The following CAPN15 variants were observed in gnomAD, a reference collection of about 807,000 sequenced individuals.
CAPN15 encodes the protein calpain-15.
In CAPN15, 53 loss-of-function variants were observed where a neutral mutation model predicts 97.9. The ratio of observed to expected loss-of-function variants is 0.54; its 90% CI spans 0.43 to 0.68. The LOEUF (loss-of-function observed/expected upper bound fraction) is 0.68, where lower values mean the gene tolerates loss of function less well. Ranked by LOEUF, CAPN15 falls within the 30% of genes least tolerant of loss-of-function variation. The pLI is 0.00. For missense variants in CAPN15, 1,592 were observed against 1,589.8 expected (o/e 1.00, Z -0.02); for synonymous variants, 922 against 722.5 (o/e 1.28, Z -4.43).
chr16:547,982 C>T lies in CAPN15; in HGVS notation c.1144C>T (p.Pro382Ser). 1.9e-6 allele frequency: 3 copies of T among 1,583,226 alleles called. No individual in the cohort carries two copies. Among genetic ancestry groups the T allele is most frequent in the Non-Finnish European group, 2.6e-6 (3 of 1,166,632 alleles). Residue 382 changes from proline (P) to serine (S), a missense_variant, in exon 4 of 14, where the codon CCC (proline) becomes TCC (serine). Physicochemically the swap from Pro to Ser is moderately conservative, Grantham distance 74. Around this residue, in one of 3 missense-constraint regions of CAPN15, gnomAD observed 883 missense variants for 776.6 expected, o/e 1.14. Coordinates refer to ENST00000219611, the MANE Select transcript of CAPN15 (RefSeq NM_005632.3). Reference sequence around the variant, plus strand: ...GCATGGCGAGCCCCCCACCCACTGCCCCGACTGTGGGGCCGACAAGCCCAG... The same window carrying T: ...GCATGGCGAGCCCCCCACCCACTGCTCCGACTGTGGGGCCGACAAGCCCAG... ...QEHGEPPTHCPDCGADKPSPC... is the reference protein window; with the variant it reads ...QEHGEPPTHCSDCGADKPSPC...
intron 4 of CAPN15, among the ~76,000 whole-genome samples, chr16:548,492 G>T (rs956165473): frequency 1.3e-5 from 2 of 152,240 alleles, no homozygotes; most frequent in African/African-American, 4.8e-5. Context: ...GTCCTTGCTG[G>T]TGACCGAGAT....
At position 527,857 on chromosome 16, in the gene CAPN15, C is replaced by A. The variant is rs1459478924; in HGVS notation, c.-362C>A. On this transcript the variant is annotated 5_prime_UTR_variant, in exon 1 of 14. Transcript: ENST00000219611. ...CCGGGGCCGGAGCCGGGTCGGGGCGCCCCGCGGCTGAGGAGCGGGAGGCCG... is the reference window on the plus strand; with the variant it reads ...CCGGGGCCGGAGCCGGGTCGGGGCGACCCGCGGCTGAGGAGCGGGAGGCCG... 1 of 146,860 alleles carries A rather than the reference C, an allele frequency of 6.8e-6. No individual in the cohort carries two copies. Among genetic ancestry groups the A allele is most frequent in the East Asian group, 2.0e-4 (1 of 5,100 alleles). The allele number at this position is 146,860 out of a possible 1,614,324, so 9.1% of individuals were successfully genotyped here.
chr16:548,367 A>G (rs576205735), intron 4 of CAPN15, 80 bp downstream of exon 4: 3 of 1,352,218 alleles, frequency 2.2e-6, no homozygotes, highest in South Asian at 3.2e-5. Context: ...GGCTCTGGCG[A>G]TGGGCTGGGG....
rs1567165077 is a variant in CAPN15, at chr16:554,623, GTT to G, written c.*1110_*1111del. ...AGGCTCCAATGGACCAAATAAAAGC[GTT>G]TTGTTTTGTAATCACGCCTCCTCCT... is the stretch of plus-strand genomic sequence containing the variant. On this transcript the variant is annotated 3_prime_UTR_variant, in exon 14 of 14. Transcript: ENST00000219611. The G allele has an allele frequency of 2.2e-6, 1 of 456,090 alleles. No individual in the cohort carries two copies. The highest frequency in any genetic ancestry group is 4.4e-6 in the Non-Finnish European group (1 of 226,734). The allele number at this position is 456,090 out of a possible 1,614,324, so 28.3% of individuals were successfully genotyped here. A position where few individuals can be genotyped will look rare whatever the true frequency, so the allele number is the denominator to read the frequency against.
intron 7 of CAPN15, 37 bp from the exon 8 acceptor site, chr16:551,265 G>C: frequency 9.1e-6 from 14 of 1,541,210 alleles, no homozygotes; most frequent in Non-Finnish European, 1.1e-5. Context: ...CCCTGTCGGT[G>C]AGGGTCCCGG....
Position 548,189 on chromosome 16 carries a change from C to G in CAPN15, c.1351C>G (p.Leu451Val). ...GGCCCAGCGGCGGGGGGCCGCGCCC[C>G]TGAGGCGCAGGGAGAGCATGCACGT... ...LVAQRRGAAP[L>V]RRRESMHVEQ... The change falls in exon 4 of 14, where the codon CTG (leucine) becomes GTG (valine). Residue 451 changes from leucine to valine, a missense_variant. Coordinates refer to ENST00000219611, the MANE Select transcript of CAPN15 (RefSeq NM_005632.3). The G allele has an allele frequency of 1.3e-6, 2 of 1,537,596 alleles. No homozygotes were observed. The highest frequency in any genetic ancestry group is 1.8e-6 in the Non-Finnish European group (2 of 1,142,552).
At chr16:540,180 C>T in intron 3 of CAPN15, 1 of 985,508 alleles carries the variant, frequency 1.0e-6, no homozygotes, top group South Asian at 4.7e-5. Flanking sequence ...CGGCCGCCGG[C>T]CGGGGGGCCA....
intron 3 of CAPN15, chr16:537,366 G>T (rs987894990): frequency 1.0e-6 from 1 of 985,520 alleles, no homozygotes; most frequent in Admixed American, 6.1e-5. Context: ...AAAGGCATCA[G>T]TGAGGAGCAG....
chr16:548,038 C>A lies in CAPN15; in HGVS notation c.1200C>A (p.Ser400=). The change falls in exon 4 of 14, where the codon TCC becomes TCA. Residue 400 remains serine, a synonymous_variant. Coordinates refer to ENST00000219611, the MANE Select transcript of CAPN15 (RefSeq NM_005632.3). The stretch of plus-strand genomic sequence containing the variant: ...GCGGCAGAAGCTGCGGACGGGTGTC[C>A]TCGGCCCAGAAGGCCGCCCGCGTCC... The part of the protein sequence containing the change: ...SPCGRSCGRV[S]SAQKAARVLP... 6.4e-7 allele frequency: 1 copy of A among 1,562,048 alleles called. No homozygotes were observed.
At position 553,572 on chromosome 16, in the gene CAPN15, C is replaced by A; in HGVS notation, c.*56C>A. The A allele has an allele frequency of 8.8e-7, 1 of 1,138,624 alleles. No homozygotes were observed. The highest frequency in any genetic ancestry group is 1.3e-6 in the Non-Finnish European group (1 of 791,516). The allele number at this position is 1,138,624 out of a possible 1,614,324, so 70.5% of individuals were successfully genotyped here. A position where few individuals can be genotyped will look rare whatever the true frequency, so the allele number is the denominator to read the frequency against. On this transcript the variant is annotated 3_prime_UTR_variant, in exon 14 of 14. Transcript: ENST00000219611. ...GACGGACCCCCCACCCCCACACGCA[C>A]TTTATGAGGGAGACCCCGACAGAGG...
At chr16:528,579 T>C (rs532303782) in intron 1 of CAPN15, among the ~76,000 whole-genome samples, 5 of 152,308 alleles carry the variant, frequency 3.3e-5, no homozygotes, top group African/African-American at 1.2e-4. Flanking sequence ...AGCTGGGAAG[T>C]TGCAAATCTG....
chr16:552,034 C>T lies in CAPN15; in HGVS notation c.2346-17C>T, dbSNP rs753516511. Reference sequence around the variant, plus strand: ...GGCCGTGGTAGGCTCAGGGCCCCGTCCTCCCGCCACCTGCAGGTACTTCGA... The same window carrying T: ...GGCCGTGGTAGGCTCAGGGCCCCGTTCTCCCGCCACCTGCAGGTACTTCGA... On this transcript the variant is annotated splice_polypyrimidine_tract_variant and intron_variant, in intron 9 of 13. Coordinates refer to ENST00000219611, the MANE Select transcript of CAPN15 (RefSeq NM_005632.3). This position sits in a 1 kb window ranked among gnomAD's most constrained non-coding sequence, Gnocchi z 6.4. 9 of 1,546,672 alleles carry T rather than the reference C, an allele frequency of 5.8e-6. No individual in the cohort carries two copies. Among genetic ancestry groups the T allele is most frequent in the African/African-American group, 1.4e-5 (1 of 72,938 alleles).
In CAPN15 at chr16:552,780, G is replaced by A. The variant is rs745516120; in HGVS notation, c.2904+9G>A. 7 of 1,525,202 alleles carry A rather than the reference G, an allele frequency of 4.6e-6. No individual in the cohort carries two copies. Among genetic ancestry groups the A allele is most frequent in the Non-Finnish European group, 6.2e-6 (7 of 1,132,708 alleles). 94.5% of individuals were successfully genotyped at this position (1,525,202 alleles called of 1,614,324 possible). A position where few individuals can be genotyped will look rare whatever the true frequency, so the allele number is the denominator to read the frequency against. On this transcript the variant is annotated intron_variant, in intron 12 of 13. Transcript: ENST00000219611. This position sits in a 1 kb window ranked among gnomAD's most constrained non-coding sequence, Gnocchi z 6.4. Reference sequence around the variant, plus strand: ...GCGGAGAGCGGCACGAGGTGGGTGGGGGTCCCGGGGGAGGGTGGCGTGGGG... The same window carrying A: ...GCGGAGAGCGGCACGAGGTGGGTGGAGGTCCCGGGGGAGGGTGGCGTGGGG...
At chr16:538,372 G>A (rs114175790) in intron 3 of CAPN15, 1 of 152,140 alleles carries the variant, frequency 6.6e-6, no homozygotes, top group Non-Finnish European at 1.5e-5. Context: ...CAGGCTTAGG[G>A]CTGGGCTCTG....
At position 549,830 on chromosome 16, in the gene CAPN15, G is replaced by C. The variant is rs1243585670; in HGVS notation, c.2058G>C (p.Lys686Asn). ...TCTGGGCCAAAATGCTGAGTTCTAA[G>C]GAGGCTGGGTAAGAGGAGGGGCACT... Reference protein sequence around the residue: ...DLIWAKMLSSKEAGFLMGASC... With the variant: ...DLIWAKMLSSNEAGFLMGASC... The change falls in exon 7 of 14, where the codon AAG becomes AAC. Residue 686 changes from lysine to asparagine, a missense_variant. This residue lies in a region of CAPN15 where 644 missense variants were observed against 699.6 expected (regional missense o/e 0.92). Coordinates refer to ENST00000219611, the MANE Select transcript of CAPN15 (RefSeq NM_005632.3). 1.3e-5 allele frequency: 20 copies of C among 1,579,082 alleles called. No homozygotes were observed. Among genetic ancestry groups the C allele is most frequent in the Non-Finnish European group, 1.7e-5 (20 of 1,161,832 alleles).
intron 3 of CAPN15, among the ~76,000 whole-genome samples, chr16:542,359 A>G (rs2034179532): frequency 6.6e-6 from 1 of 152,164 alleles, no homozygotes; most frequent in Non-Finnish European, 1.5e-5. Flanking sequence ...CTGCCAAGCC[A>G]TCTTCCGCAG....
chr16:534,304 C>T (rs903907647), intron 2 of CAPN15, among the ~76,000 whole-genome samples: 5 of 38,318 alleles, frequency 1.3e-4, no homozygotes, highest in East Asian at 5.1e-3. Context: ...CCCATCCCCA[C>T]GGCAGCGCTG....
In CAPN15 at chr16:549,025, T is replaced by G; in HGVS notation, c.1482T>G (p.Pro494=). ...NNVSFVDDSF[P]PGPESVGFPA... ...TGAGCTTCGTGGATGACAGCTTCCC[T>G]CCCGGGCCCGAGTCTGTCGGCTTCC... is the stretch of plus-strand genomic sequence containing the variant. Residue 494 remains proline, a synonymous_variant, in exon 5 of 14, where the codon CCT becomes CCG. Coordinates refer to ENST00000219611, the MANE Select transcript of CAPN15 (RefSeq NM_005632.3). 1 of 1,612,700 alleles carries G rather than the reference T, an allele frequency of 6.2e-7. No individual in the cohort carries two copies. Among genetic ancestry groups the G allele is most frequent in the East Asian group, 2.2e-5 (1 of 44,880 alleles).
chr16:547,234 G>A lies in CAPN15; in HGVS notation c.396G>A (p.Glu132=). 6.6e-7 allele frequency: 1 copy of A among 1,518,448 alleles called. No individual in the cohort carries two copies. Among genetic ancestry groups the A allele is most frequent in the Non-Finnish European group, 8.8e-7 (1 of 1,139,280 alleles). 94.1% of individuals were successfully genotyped at this position (1,518,448 alleles called of 1,614,324 possible). A position where few individuals can be genotyped will look rare whatever the true frequency, so the allele number is the denominator to read the frequency against. ...QCEDKDEEEK[E]EQEEEEGAAE... ...AGGACAAGGACGAGGAGGAGAAGGAGGAGCAGGAGGAGGAGGAGGGAGCGG... is the reference window on the plus strand; with the variant it reads ...AGGACAAGGACGAGGAGGAGAAGGAAGAGCAGGAGGAGGAGGAGGGAGCGG... Residue 132 remains glutamate (E), a synonymous_variant, in exon 4 of 14, where the codon GAG becomes GAA. Transcript: ENST00000219611.
Sources: allele counts gnomAD v4.1 joint callset (sites outside exome capture counted in the v4.1 genomes callset), GRCh38; gene constraint gnomAD v4.1.1; regional missense constraint gnomAD v4.1.1; non-coding constraint Gnocchi (gnomAD v3.1); transcripts MANE v1.5; gene names NCBI Gene and HGNC (gene_info 2026-07-23, HGNC 2026-07-21).